The following CARMIL1 variants were observed in gnomAD, a reference collection of about 807,000 sequenced individuals.
CARMIL1 encodes the protein capping protein regulator and myosin 1 linker 1.
A neutral mutation model predicts 177.1 loss-of-function variants in CARMIL1; 90 were observed. The ratio of observed to expected loss-of-function variants is 0.51; its 90% confidence interval spans 0.43 to 0.61. CARMIL1 has a LOEUF of 0.61. Ranked by LOEUF, CARMIL1 falls within the 20% of genes least tolerant of loss-of-function variation. The probability of loss-of-function intolerance (pLI) is 0.00; values close to 1 mark genes in which losing one functional copy is unlikely to be tolerated. For synonymous variants in CARMIL1, 577 were observed against 606.2 expected (o/e 0.95, Z 0.71); for missense variants, 1,380 against 1,667.0 (o/e 0.83, Z 3.00).
At chr6:25,336,397 C>G (rs577887727) in intron 2 of CARMIL1, among the ~76,000 whole-genome samples, 1 of 152,202 alleles carries the variant, frequency 6.6e-6, no homozygotes, top group Non-Finnish European at 1.5e-5. Context: ...CTGTACTCTA[C>G]TCACCTCCCC....
chr6:25,279,891 C>G (rs6914799), intron 1 of CARMIL1, 56 bp downstream of exon 1: 12 of 1,580,048 alleles, frequency 7.6e-6, no homozygotes, highest in Middle Eastern at 1.7e-4. Context: ...CCTCACCTCT[C>G]TCTCCCTTCC....
chr6:25,508,725 T>C (rs1256714994), intron 17 of CARMIL1, among the ~76,000 whole-genome samples: 1 of 152,210 alleles, frequency 6.6e-6, no homozygotes, highest in Non-Finnish European at 1.5e-5. Context: ...GGACTTGCCA[T>C]GTTCCTTGGT....
intron 4 of CARMIL1, among the ~76,000 whole-genome samples, chr6:25,428,039 A>C (rs1338941231): frequency 6.6e-6 from 1 of 152,128 alleles, no homozygotes; most frequent in African/African-American, 2.4e-5. Context: ...CCAATTTATC[A>C]ATGTTTTCTT....
intron 20 of CARMIL1, among the ~76,000 whole-genome samples, chr6:25,513,898 C>T (rs1293941729): frequency 6.6e-6 from 1 of 152,152 alleles, no homozygotes; most frequent in East Asian, 1.9e-4. Flanking sequence ...GGACCCCAAG[C>T]AACCCAGGAG....
chr6:25,312,913 A>AC (rs1783947996), intron 2 of CARMIL1, among the ~76,000 whole-genome samples: 3 of 101,216 alleles, frequency 3.0e-5, no homozygotes, highest in South Asian at 8.0e-4. Flanking sequence ...GTTAAAAAAA[A>AC]AAAAAAAAAA....
At chr6:25,287,396 T>C (rs1781599368) in intron 2 of CARMIL1, 1 of 152,262 alleles carries the variant, frequency 6.6e-6, no homozygotes, top group South Asian at 2.1e-4. Context: ...CATCTTCCTA[T>C]AATCATAATA....
chr6:25,477,087 C>CAA (rs1162798140), intron 11 of CARMIL1, among the ~76,000 whole-genome samples: 149 of 47,362 alleles, frequency 3.1e-3, no homozygotes, highest in African/African-American at 9.5e-3. Context: ...AATTCCGTCT[C>CAA]AAAAAAAAAA....
At chr6:25,284,720 A>G in intron 1 of CARMIL1, 92 bp from the exon 2 acceptor site, 1 of 713,842 alleles carries the variant, frequency 1.4e-6, no homozygotes, top group South Asian at 1.8e-5. Flanking sequence ...AAAGACAACA[A>G]CAGTAAAAAC....
intron 2 of CARMIL1, among the ~76,000 whole-genome samples, chr6:25,419,089 C>T (rs1157369718): frequency 6.6e-6 from 1 of 152,182 alleles, no homozygotes; most frequent in Admixed American, 6.5e-5. Context: ...CTTAGCCGTT[C>T]AAGCCCGGGG....
chr6:25,507,929 GT>G (rs967646285), intron 17 of CARMIL1, among the ~76,000 whole-genome samples: 6 of 151,820 alleles, frequency 4.0e-5, no homozygotes, highest in Non-Finnish European at 5.9e-5. Context: ...CTATTTTTAT[GT>G]TTTTTTAAAC....
Position 25,495,128 on chromosome 6 carries a change from C to T in CARMIL1, c.1238C>T (p.Pro413Leu). Reference sequence around the variant, plus strand: ...TTTTTCAGGAAAGGAAAAGAAGTACCTCCATCTTTCAAGCAATTTTTTAGT... The same window carrying T: ...TTTTTCAGGAAAGGAAAAGAAGTACTTCCATCTTTCAAGCAATTTTTTAGT... ...VFSHRKGKEV[P>L]PSFKQFFSSS... The change falls in exon 16 of 37, where the codon CCT becomes CTT. Residue 413 changes from proline to leucine, a missense_variant. By Grantham distance (98) the Pro-to-Leu change is moderately conservative (BLOSUM62 -3). Transcript: ENST00000329474. 1 of 1,610,620 alleles carries T rather than the reference C, an allele frequency of 6.2e-7. No homozygotes were observed. Among genetic ancestry groups the T allele is most frequent in the Non-Finnish European group, 8.5e-7 (1 of 1,177,716 alleles).
chr6:25,569,480 C>T (rs912416246), intron 29 of CARMIL1, among the ~76,000 whole-genome samples: 1 of 152,172 alleles, frequency 6.6e-6, no homozygotes, highest in Non-Finnish European at 1.5e-5. Context: ...TACCACAGCT[C>T]TATAACTAGG....
At chr6:25,387,158 A>G (rs1046251749) in intron 2 of CARMIL1, among the ~76,000 whole-genome samples, 4 of 151,540 alleles carry the variant, frequency 2.6e-5, no homozygotes, top group Admixed American at 1.3e-4. Context: ...ATAACACTCT[A>G]TGATGTCACC....
chr6:25,546,464 C>T (rs777919733), intron 26 of CARMIL1, among the ~76,000 whole-genome samples: 2 of 151,988 alleles, frequency 1.3e-5, no homozygotes, highest in Non-Finnish European at 2.9e-5. Flanking sequence ...CCTTGGGAGG[C>T]TGAGGCTGGA....
intron 2 of CARMIL1, among the ~76,000 whole-genome samples, chr6:25,371,046 G>T (rs1439735703): frequency 1.3e-5 from 2 of 152,054 alleles, no homozygotes; most frequent in Non-Finnish European, 1.5e-5. Context: ...GTTACTTCAC[G>T]TAGAATAATG....
At chr6:25,298,537 T>A (rs1782607110) in intron 2 of CARMIL1, among the ~76,000 whole-genome samples, 1 of 152,244 alleles carries the variant, frequency 6.6e-6, no homozygotes, top group African/African-American at 2.4e-5. Context: ...TTCCAATACG[T>A]ATCTGTTTTT....
chr6:25,535,911 T>C lies in CARMIL1; in HGVS notation c.2068-1944T>C, dbSNP rs191864623. On this transcript the variant is annotated intron_variant, in intron 24 of 36. Transcript: ENST00000329474. ...CTTGGAGACATGAGATTTTATGTCTTCTTTGAATTGAAGAACTTAATTTTG... is the reference window on the plus strand; with the variant it reads ...CTTGGAGACATGAGATTTTATGTCTCCTTTGAATTGAAGAACTTAATTTTG... Among the ~76,000 whole-genome samples, 7 of 152,342 alleles carry C rather than the reference T, an allele frequency of 4.6e-5. No individual in the cohort carries two copies. The East Asian group carries it at 1.2e-3, about 25-fold the overall frequency.
intron 2 of CARMIL1, among the ~76,000 whole-genome samples, chr6:25,345,991 CAG>C (rs1787470142): frequency 6.6e-6 from 1 of 152,186 alleles, no homozygotes; most frequent in African/African-American, 2.4e-5. Flanking sequence ...AAAACGTATC[CAG>C]AGTTGATTTC....
chr6:25,354,955 T>C (rs370453579), intron 2 of CARMIL1, among the ~76,000 whole-genome samples: 14 of 152,306 alleles, frequency 9.2e-5, no homozygotes, highest in African/African-American at 2.9e-4. Flanking sequence ...CACACTTTCA[T>C]AGATGTCAGT....
Sources: gnomAD v4.1 joint callset for allele counts (sites outside exome capture counted in the v4.1 genomes callset) on GRCh38, gnomAD v4.1.1 for gene constraint, MANE v1.5 for transcripts, NCBI Gene and HGNC (gene_info 2026-07-23, HGNC 2026-07-21) for gene names.